Variants in ABCA13 observed in about 807,000 individuals in gnomAD.
The protein encoded by ABCA13 is ATP binding cassette subfamily A member 13.
In ABCA13, 476 loss-of-function variants were observed where a neutral mutation model predicts 478.7. The observed-to-expected ratio is 0.99, with a 90% CI of 0.92 to 1.07. ABCA13 has a LOEUF of 1.07. Among genes scored for constraint, ABCA13 ranks in the 50% least tolerant of loss-of-function variants. ABCA13 has a pLI of 0.00. For synonymous variants in ABCA13, 2,252 were observed against 2,158.9 expected (o/e 1.04, Z -1.20); for missense variants, 6,060 against 5,910.6 (o/e 1.03, Z -0.83).
chr7:48,538,352 C>T (rs571711329), intron 55 of ABCA13, among the ~76,000 whole-genome samples: 2 of 152,208 alleles, frequency 1.3e-5, no homozygotes, highest in Admixed American at 6.5e-5. Context: ...CCACCCACCT[C>T]GACCTCCCAA....
At chr7:48,323,073 G>A (rs1213879411) in intron 27 of ABCA13, among the ~76,000 whole-genome samples, 1 of 152,182 alleles carries the variant, frequency 6.6e-6, no homozygotes, top group Admixed American at 6.5e-5. Flanking sequence ...ATTCACTGCA[G>A]TTTGTTCGTC....
chr7:48,328,034 G>T (rs1196428051), intron 27 of ABCA13, among the ~76,000 whole-genome samples: 7 of 152,196 alleles, frequency 4.6e-5, no homozygotes, highest in Non-Finnish European at 1.5e-5. Context: ...TGCTAGTGTT[G>T]TCATTAAACG....
At chr7:48,350,959 G>A (rs1354097128) in intron 30 of ABCA13, 140 bp downstream of exon 30, 10 of 944,006 alleles carry the variant, frequency 1.1e-5, no homozygotes, top group African/African-American at 1.7e-5. Context: ...AAATAAAGCA[G>A]AACTGTTTAC....
intron 56 of ABCA13, among the ~76,000 whole-genome samples, chr7:48,584,640 C>T (rs1789001562): frequency 6.6e-6 from 1 of 152,182 alleles, no homozygotes; most frequent in Admixed American, 6.5e-5. Context: ...TCTGACCACC[C>T]TCAACCCTGA....
At position 48,574,103 on chromosome 7, in the gene ABCA13, A is replaced by ATAT. The variant is rs1787935587; in HGVS notation, c.14355-6106_14355-6104dup. Among the ~76,000 whole-genome samples the ATAT allele has an allele frequency of 2.6e-5, 4 of 152,016 alleles. No individual in the cohort carries two copies. The South Asian group carries it at 6.2e-4, about 24-fold the overall frequency. ...CAAGGCATGGGGAGTTAGGACCCCA[A>ATAT]TATTATTATTATTATTACTATTATT... On this transcript the variant is annotated intron_variant, in intron 55 of 61. Coordinates refer to ENST00000435803, the MANE Select transcript of ABCA13 (RefSeq NM_152701.5).
intron 37 of ABCA13, among the ~76,000 whole-genome samples, chr7:48,389,928 C>T (rs904864013): frequency 1.3e-5 from 2 of 152,182 alleles, no homozygotes; most frequent in African/African-American, 2.4e-5. Context: ...ATGAAGAGGG[C>T]TTTGCCTCAG....
chr7:48,625,770 C>T (rs559494852), intron 59 of ABCA13, among the ~76,000 whole-genome samples: 2 of 152,102 alleles, frequency 1.3e-5, no homozygotes, highest in Admixed American at 6.5e-5. Context: ...AGTAAACATT[C>T]GGCATTCATT....
chr7:48,375,037 G>A (rs778523125), intron 34 of ABCA13, among the ~76,000 whole-genome samples: 4 of 152,120 alleles, frequency 2.6e-5, no homozygotes, highest in South Asian at 2.1e-4. Flanking sequence ...TCACTGTCTC[G>A]CATCACCCCC....
intron 55 of ABCA13, among the ~76,000 whole-genome samples, chr7:48,538,543 A>G (rs766373224): frequency 6.6e-5 from 10 of 152,200 alleles, no homozygotes; most frequent in Non-Finnish European, 1.2e-4. Flanking sequence ...AAGAAACAGA[A>G]CCAGACCACC....
At chr7:48,340,148 C>T (rs114049100) in intron 29 of ABCA13, among the ~76,000 whole-genome samples, 1 of 152,118 alleles carries the variant, frequency 6.6e-6, no homozygotes, top group African/African-American at 2.4e-5. Context: ...CTCTTGTCAT[C>T]CAGGCTGTAG....
At chr7:48,343,680 G>A (rs118123065) in intron 29 of ABCA13, among the ~76,000 whole-genome samples, 1 of 151,962 alleles carries the variant, frequency 6.6e-6, no homozygotes, top group Non-Finnish European at 1.5e-5. Context: ...TGAGATTTTA[G>A]CGCAGCCATC....
chr7:48,643,993 T>C (rs1795279600), intron 60 of ABCA13, among the ~76,000 whole-genome samples: 1 of 152,198 alleles, frequency 6.6e-6, no homozygotes, highest in Non-Finnish European at 1.5e-5. Flanking sequence ...CTTGGATAAC[T>C]GTGGGATGCT....
intron 35 of ABCA13, among the ~76,000 whole-genome samples, chr7:48,377,103 C>T (rs186647778): frequency 3.2e-4 from 48 of 151,088 alleles, no homozygotes; most frequent in Admixed American, 1.8e-3. Flanking sequence ...ACTGTTGTCA[C>T]GGATATGGGG....
chr7:48,352,625 T>C, intron 31 of ABCA13, 138 bp downstream of exon 31: 1 of 984,110 alleles, frequency 1.0e-6, no homozygotes, highest in Non-Finnish European at 1.4e-6. Flanking sequence ...TTTAATTTCG[T>C]AAGGTTCATT....
At chr7:48,631,360 C>A (rs1794147906) in intron 59 of ABCA13, among the ~76,000 whole-genome samples, 1 of 151,984 alleles carries the variant, frequency 6.6e-6, no homozygotes, top group Non-Finnish European at 1.5e-5. Flanking sequence ...CAGTTTCATT[C>A]TTTTGCATGT....
At position 48,516,876 on chromosome 7, in the gene ABCA13, GCTAAGGT is replaced by G; in HGVS notation, c.13794_13797+3del. 6.2e-7 allele frequency: 1 copy of G among 1,613,474 alleles called. No individual in the cohort carries two copies. Among genetic ancestry groups the G allele is most frequent in the Non-Finnish European group, 8.5e-7 (1 of 1,179,598 alleles). On this transcript the variant is annotated splice_donor_variant and coding_sequence_variant, in exon 52 of 62. Coordinates refer to ENST00000435803, the MANE Select transcript of ABCA13 (RefSeq NM_152701.5). LOFTEE classifies it high-confidence loss of function. ...CCGGTTGCTAGCCATCATCTCCAAA[GCTAAGGT>G]CAGTAGCTTTGTAGCATCACCTCTA...
At chr7:48,585,153 A>T (rs6583456) in intron 56 of ABCA13, among the ~76,000 whole-genome samples, 44,826 of 152,096 alleles carry the variant, frequency 0.29, 8,474 homozygotes, top group African/African-American at 0.55. Context: ...TTCATTTATA[A>T]GACCCTTCCT....
At chr7:48,213,092 C>A (rs533987119) in intron 3 of ABCA13, among the ~76,000 whole-genome samples, 16 of 151,840 alleles carry the variant, frequency 1.1e-4, no homozygotes, top group Non-Finnish European at 2.1e-4. Flanking sequence ...CAGTTTATTT[C>A]TTTCTATGGT....
At chr7:48,368,345 G>T (rs1812023775) in intron 32 of ABCA13, among the ~76,000 whole-genome samples, 1 of 151,862 alleles carries the variant, frequency 6.6e-6, no homozygotes, top group South Asian at 2.1e-4. Context: ...TGGGGAACAG[G>T]TGGTGTTTGG....
Sources: gnomAD v4.1 joint callset for allele counts (sites outside exome capture counted in the v4.1 genomes callset) on GRCh38, gnomAD v4.1.1 for gene constraint, MANE v1.5 for transcripts, NCBI Gene and HGNC (gene_info 2026-07-23, HGNC 2026-07-21) for gene names.